The following GDPD4 variants were observed in gnomAD, a reference collection of about 807,000 sequenced individuals.
The protein encoded by GDPD4 is glycerophosphodiester phosphodiesterase 6.
A neutral mutation model predicts 67.8 loss-of-function variants in GDPD4; 60 were observed. The observed-to-expected ratio is 0.88, with a 90% CI of 0.72 to 1.10. The LOEUF (loss-of-function observed/expected upper bound fraction) is 1.10, where lower values mean the gene tolerates loss of function less well. Ranked by LOEUF, GDPD4 falls within the 50% of genes least tolerant of loss-of-function variation. The pLI is 0.00. For missense variants in GDPD4, 623 were observed against 613.9 expected (o/e 1.01, Z -0.16); for synonymous variants, 212 against 210.9 (o/e 1.00, Z -0.04).
chr11:77,245,289 G>C lies in GDPD4; in HGVS notation c.1078C>G (p.Gln360Glu). The C allele has an allele frequency of 1.2e-6, 2 of 1,613,406 alleles. No homozygotes were observed. Among genetic ancestry groups the C allele is most frequent in the Non-Finnish European group, 1.7e-6 (2 of 1,179,366 alleles). ...TACTGAGATAGACTTACCAGATGTT[G>C]CTCGATTTTAGAGGCAAGGATCACG... ...VSVILASKIE[Q>E]HLIFWLPAHD... Residue 360 changes from glutamine to glutamate, a missense_variant, in exon 12 of 17, where the codon CAA becomes GAA. Transcript: ENST00000315938.
chr11:77,291,733 T>C (rs1937782400), intron 1 of GDPD4, among the ~76,000 whole-genome samples: 1 of 152,186 alleles, frequency 6.6e-6, no homozygotes, highest in Admixed American at 6.5e-5. Flanking sequence ...AGAGTTAATA[T>C]ATAATTATTC....
At chr11:77,286,640 C>T (rs1960008464) in intron 2 of GDPD4, among the ~76,000 whole-genome samples, 1 of 152,192 alleles carries the variant, frequency 6.6e-6, no homozygotes, top group African/African-American at 2.4e-5. Flanking sequence ...TTTCAGTGTG[C>T]TGATCATTTA....
chr11:77,239,545 C>A (rs565513525), intron 13 of GDPD4, among the ~76,000 whole-genome samples: 2 of 152,176 alleles, frequency 1.3e-5, no homozygotes, highest in Non-Finnish European at 2.9e-5. Flanking sequence ...TATGTACTAA[C>A]AACTACCTAA....
At chr11:77,299,193 CACCAGCCCCAT>C (rs1257979128) in intron 1 of GDPD4, among the ~76,000 whole-genome samples, 1 of 152,212 alleles carries the variant, frequency 6.6e-6, no homozygotes, top group African/African-American at 2.4e-5. Context: ...CACAGCTTCT[CACCAGCCCCAT>C]AGAATACCAT....
At chr11:77,262,068 G>A (rs1383337153) in intron 10 of GDPD4, among the ~76,000 whole-genome samples, 1 of 152,154 alleles carries the variant, frequency 6.6e-6, no homozygotes, top group Non-Finnish European at 1.5e-5. Flanking sequence ...GATCTCTTTA[G>A]CTGGCTTCCT....
intron 13 of GDPD4, among the ~76,000 whole-genome samples, chr11:77,237,071 G>T (rs1370886797): frequency 2.6e-5 from 4 of 152,122 alleles, no homozygotes; most frequent in Admixed American, 2.6e-4. Flanking sequence ...TGAGGCATGG[G>T]TCCCTGGAGC....
At chr11:77,233,471 G>A (rs1353569537) in intron 13 of GDPD4, among the ~76,000 whole-genome samples, 5 of 144,206 alleles carry the variant, frequency 3.5e-5, no homozygotes, top group African/African-American at 5.1e-5. Context: ...AAAAAGAATG[G>A]GGAAAAGGAA....
chr11:77,230,338 G>A (rs139040042), intron 14 of GDPD4, among the ~76,000 whole-genome samples: 46 of 152,338 alleles, frequency 3.0e-4, no homozygotes, highest in African/African-American at 1.1e-3. Flanking sequence ...ATTAGATGCT[G>A]CTTAAATTTG....
At chr11:77,300,060 C>G (rs1033630487) in intron 1 of GDPD4, among the ~76,000 whole-genome samples, 4 of 151,962 alleles carry the variant, frequency 2.6e-5, no homozygotes, top group African/African-American at 7.3e-5. Context: ...ATGTTCAATT[C>G]TTTGCCTTCT....
At chr11:77,248,712 T>C (rs2135848774) in intron 11 of GDPD4, among the ~76,000 whole-genome samples, 1 of 151,772 alleles carries the variant, frequency 6.6e-6, no homozygotes, top group Middle Eastern at 3.4e-3. Flanking sequence ...TCCCTGTACA[T>C]TTATTTATTT....
intron 1 of GDPD4, among the ~76,000 whole-genome samples, chr11:77,300,095 AC>A (rs1168169552): frequency 2.6e-5 from 4 of 152,088 alleles, no homozygotes; most frequent in African/African-American, 9.7e-5. Context: ...TCGTAAAGCA[AC>A]CTTTTTTGAT....
intron 11 of GDPD4, among the ~76,000 whole-genome samples, chr11:77,251,700 T>C (rs1958901465): frequency 6.6e-6 from 1 of 152,194 alleles, no homozygotes; most frequent in Non-Finnish European, 1.5e-5. Flanking sequence ...TGAATCTATT[T>C]GGGAACCTTT....
intron 16 of GDPD4, among the ~76,000 whole-genome samples, chr11:77,222,828 T>TCTAA (rs1958253719): frequency 6.6e-6 from 1 of 152,214 alleles, no homozygotes; most frequent in Admixed American, 6.5e-5. Flanking sequence ...AAGAGTGTTT[T>TCTAA]CTAACTTGGT....
At chr11:77,233,898 C>T (rs1229261196) in intron 13 of GDPD4, among the ~76,000 whole-genome samples, 2 of 152,030 alleles carry the variant, frequency 1.3e-5, no homozygotes, top group Non-Finnish European at 2.9e-5. Flanking sequence ...GGGGGAAAAC[C>T]TAATTTGTCC....
At chr11:77,229,687 C>G (rs1489241911) in intron 14 of GDPD4, among the ~76,000 whole-genome samples, 1 of 150,448 alleles carries the variant, frequency 6.6e-6, no homozygotes, top group Non-Finnish European at 1.5e-5. Flanking sequence ...GAATGAGAAT[C>G]TCTGCATTTT....
At chr11:77,240,952 G>A (rs899354451) in intron 13 of GDPD4, among the ~76,000 whole-genome samples, 1 of 152,124 alleles carries the variant, frequency 6.6e-6, no homozygotes, top group Non-Finnish European at 1.5e-5. Context: ...TGGAGAAAAG[G>A]GAACTCTTAC....
chr11:77,275,109 G>A (rs1959397322), intron 5 of GDPD4, among the ~76,000 whole-genome samples: 1 of 152,122 alleles, frequency 6.6e-6, no homozygotes, highest in Non-Finnish European at 1.5e-5. Context: ...TTGAGATGAT[G>A]GATATCCTAA....
chr11:77,299,477 G>A (rs1357530995), intron 1 of GDPD4, among the ~76,000 whole-genome samples: 6 of 152,140 alleles, frequency 3.9e-5, no homozygotes, highest in African/African-American at 1.2e-4. Context: ...TATTTAGGAA[G>A]TTTACTGTTT....
intron 9 of GDPD4, 140 bp downstream of exon 9, chr11:77,268,784 T>C (rs1178553147): frequency 9.7e-6 from 9 of 924,410 alleles, no homozygotes; most frequent in Non-Finnish European, 1.5e-5. Flanking sequence ...AAGTCCAGCC[T>C]TTACAATGAA....
Sources: allele counts gnomAD v4.1 joint callset (sites outside exome capture counted in the v4.1 genomes callset), GRCh38; gene constraint gnomAD v4.1.1; transcripts MANE v1.5; gene names NCBI Gene and HGNC (gene_info 2026-07-23, HGNC 2026-07-21).